CDH18: variants seen among roughly 807,000 people sequenced by gnomAD.
The protein encoded by CDH18 is cadherin 18.
A neutral mutation model predicts 67.9 loss-of-function variants in CDH18; 31 were observed. That is an observed-to-expected ratio of 0.46 (90% CI 0.34 to 0.62). CDH18 has a LOEUF of 0.62. Ranked by LOEUF, CDH18 falls within the 20% of genes least tolerant of loss-of-function variation. The probability of loss-of-function intolerance (pLI) is 0.01; values close to 1 mark genes in which losing one functional copy is unlikely to be tolerated. For missense variants in CDH18, 890 were observed against 975.5 expected, an observed-to-expected ratio of 0.91 and a Z score of 1.17; for synonymous variants, 362 against 347.2, an observed-to-expected ratio of 1.04 and a Z score of -0.48.
chr5:20,558,041 T>TC (rs1758012588), intron 1 of CDH18, among the ~76,000 whole-genome samples: 1 of 147,892 alleles, frequency 6.8e-6, no homozygotes, highest in African/African-American at 2.6e-5. Flanking sequence ...TTATATAACA[T>TC]TAATTGTTAT....
chr5:19,512,565 T>A (rs550712263), intron 10 of CDH18, among the ~76,000 whole-genome samples: 7 of 152,260 alleles, frequency 4.6e-5, no homozygotes, highest in Admixed American at 1.3e-4. Flanking sequence ...GTGTTTCAAC[T>A]TAATTTTCTA....
At chr5:19,508,057 A>G (rs1257424681) in intron 10 of CDH18, among the ~76,000 whole-genome samples, 32 of 92,844 alleles carry the variant, frequency 3.4e-4, no homozygotes, top group Non-Finnish European at 6.9e-4. Context: ...CGTATTTCTG[A>G]AAAAAAAAAA....
At chr5:19,794,461 C>T (rs1282926294) in intron 3 of CDH18, among the ~76,000 whole-genome samples, 1 of 152,058 alleles carries the variant, frequency 6.6e-6, no homozygotes, top group African/African-American at 2.4e-5. Flanking sequence ...TGAATGACAT[C>T]GCAAGCTGTC....
chr5:19,540,217 A>T (rs1047215246), intron 9 of CDH18, among the ~76,000 whole-genome samples: 1 of 152,088 alleles, frequency 6.6e-6, no homozygotes, highest in Non-Finnish European at 1.5e-5. Flanking sequence ...TAAAGTTCCA[A>T]AATGATCTCC....
chr5:19,972,483 A>G (rs2150339578), intron 2 of CDH18, among the ~76,000 whole-genome samples: 1 of 152,170 alleles, frequency 6.6e-6, no homozygotes, highest in East Asian at 1.9e-4. Context: ...CGAAAGTGGC[A>G]AATTAAAACA....
intron 2 of CDH18, among the ~76,000 whole-genome samples, chr5:20,016,937 T>G (rs115634885): frequency 6.6e-6 from 1 of 152,306 alleles, no homozygotes; most frequent in African/African-American, 2.4e-5. Flanking sequence ...TTTGTAGTAA[T>G]AGTGCCTTTC....
intron 10 of CDH18, among the ~76,000 whole-genome samples, chr5:19,519,929 A>T (rs1746623039): frequency 6.6e-6 from 1 of 152,098 alleles, no homozygotes; most frequent in Non-Finnish European, 1.5e-5. Flanking sequence ...GTCTTGCGAG[A>T]CTCTTGCAAA....
rs1194744766 is a variant in CDH18 at position 19,960,585 on chromosome 5, GTGTGTA to G, written c.-257+20469_-257+20474del. On this transcript the variant is annotated intron_variant, in intron 2 of 12. Transcript: ENST00000382275. ...TATGTGTGTGTGTGTGTGTGTGTGT[GTGTGTA>G]TATATATATATACACACACGTGTAT... 2.4e-3 allele frequency among the ~76,000 whole-genome samples: 303 copies of G among 128,248 alleles called. 7 individuals are homozygous for G. The highest frequency in any genetic ancestry group is 8.9e-3 in the African/African-American group (237 of 26,730). 84.1% of individuals were successfully genotyped at this position (128,248 alleles called of 152,430 possible).
intron 2 of CDH18, among the ~76,000 whole-genome samples, chr5:20,154,389 T>C (rs1203774236): frequency 6.6e-6 from 1 of 152,182 alleles, no homozygotes; most frequent in African/African-American, 2.4e-5. Flanking sequence ...ATTAGTCACC[T>C]GTGGGATGGA....
intron 10 of CDH18, among the ~76,000 whole-genome samples, chr5:19,514,540 A>G (rs1745645354): frequency 6.6e-6 from 1 of 152,196 alleles, no homozygotes; most frequent in Admixed American, 6.5e-5. Flanking sequence ...TCGCCATTCT[A>G]ACTGGTGTGA....
At chr5:19,683,847 C>T (rs562684454) in intron 5 of CDH18, among the ~76,000 whole-genome samples, 2 of 151,938 alleles carry the variant, frequency 1.3e-5, no homozygotes, top group East Asian at 3.9e-4. Context: ...ATTGTTCACA[C>T]GTGTCCCCTG....
intron 1 of CDH18, among the ~76,000 whole-genome samples, chr5:20,296,028 T>G (rs1291831086): frequency 2.0e-5 from 3 of 149,166 alleles, no homozygotes; most frequent in Admixed American, 2.0e-4. Context: ...CATGCCACCA[T>G]GCCTGGCTAA....
chr5:19,986,811 C>T (rs552309860), intron 1 of CDH18, among the ~76,000 whole-genome samples: 1 of 152,234 alleles, frequency 6.6e-6, no homozygotes, highest in South Asian at 2.1e-4. Flanking sequence ...ACCTCAAACT[C>T]CTGATTTAGA....
intron 1 of CDH18, among the ~76,000 whole-genome samples, chr5:20,447,383 A>C (rs1329250653): frequency 6.6e-6 from 1 of 152,104 alleles, no homozygotes; most frequent in African/African-American, 2.4e-5. Flanking sequence ...CCTGATAAAA[A>C]AAAAAAAAGG....
At chr5:19,895,998 C>T (rs190002539) in intron 2 of CDH18, among the ~76,000 whole-genome samples, 89 of 121,790 alleles carry the variant, frequency 7.3e-4, no homozygotes, top group African/African-American at 2.4e-3. Context: ...TCTCTGCAAC[C>T]TGTGTCGCAT....
intron 2 of CDH18, among the ~76,000 whole-genome samples, chr5:20,058,182 A>G (rs935872680): frequency 1.3e-5 from 2 of 152,168 alleles, no homozygotes; most frequent in Non-Finnish European, 2.9e-5. Context: ...GAATGTACAC[A>G]TCGAGTAGTA....
intron 4 of CDH18, among the ~76,000 whole-genome samples, chr5:19,725,606 C>T (rs544491003): frequency 2.6e-5 from 4 of 152,064 alleles, no homozygotes; most frequent in African/African-American, 9.7e-5. Context: ...CTCATCTCTA[C>T]TAAAAATACA....
intron 2 of CDH18, among the ~76,000 whole-genome samples, chr5:19,872,174 C>T (rs1268395468): frequency 6.6e-6 from 1 of 152,104 alleles, no homozygotes; most frequent in African/African-American, 2.4e-5. Flanking sequence ...CAGCCTGCTG[C>T]TAAGATTCTA....
intron 2 of CDH18, among the ~76,000 whole-genome samples, chr5:20,146,976 T>A (rs2126549031): frequency 6.6e-6 from 1 of 152,268 alleles, no homozygotes; most frequent in Admixed American, 6.5e-5. Flanking sequence ...ATTGTTTATT[T>A]TACTTTATTT....
Sources: gnomAD v4.1 joint callset for allele counts (sites outside exome capture counted in the v4.1 genomes callset) on GRCh38, gnomAD v4.1.1 for gene constraint, MANE v1.5 for transcripts, NCBI Gene and HGNC (gene_info 2026-07-23, HGNC 2026-07-21) for gene names.